The following PPFIBP1 variants were observed in gnomAD, a reference collection of about 807,000 sequenced individuals.
The protein encoded by PPFIBP1 is PPFIB scaffold protein 1, also known as liprin-beta-1.
Under a neutral mutation model 137.8 loss-of-function variants are expected in PPFIBP1, and 112 were observed. The ratio of observed to expected loss-of-function variants is 0.81; its 90% CI spans 0.70 to 0.95. The LOEUF (loss-of-function observed/expected upper bound fraction) is 0.95, where lower values mean the gene tolerates loss of function less well. PPFIBP1 is among the 40% of genes least tolerant of loss of function. The pLI, the probability that PPFIBP1 is intolerant of heterozygous loss-of-function variation, is 0.00. For missense variants in PPFIBP1, 1,083 were observed against 1,196.6 expected (o/e 0.91, Z 1.40); for synonymous variants, 378 against 417.3 (o/e 0.91, Z 1.15).
At chr12:27,586,775 CTA>C (rs1263769478) in intron 2 of PPFIBP1, among the ~76,000 whole-genome samples, 3 of 152,006 alleles carry the variant, frequency 2.0e-5, no homozygotes, top group Non-Finnish European at 4.4e-5. Context: ...TATATAGTGA[CTA>C]TGCCTGTTCT....
intron 12 of PPFIBP1, among the ~76,000 whole-genome samples, chr12:27,666,725 A>G (rs1486139593): frequency 1.3e-5 from 2 of 152,242 alleles, no homozygotes; most frequent in African/African-American, 2.4e-5. Context: ...TTTCAAGAGC[A>G]CAGCAGTGAT....
chr12:27,647,489 T>C (rs2058598891), intron 5 of PPFIBP1, among the ~76,000 whole-genome samples: 1 of 151,950 alleles, frequency 6.6e-6, no homozygotes, highest in Non-Finnish European at 1.5e-5. Flanking sequence ...CCAAAAAGTA[T>C]TGTACATTCC....
chr12:27,687,396 G>A lies in PPFIBP1; in HGVS notation c.2259G>A (p.Leu753=). The A allele has an allele frequency of 6.2e-7, 1 of 1,613,716 alleles. No individual in the cohort carries two copies. Among genetic ancestry groups the A allele is most frequent in the Non-Finnish European group, 8.5e-7 (1 of 1,179,710 alleles). ...MLHYMTVDDL[L]SLKVVSVLHH... ...GTTCTTTTTTGCAGGATGACTTACT[G>A]TCTCTGAAGGTTGTAAGTGTGCTAC... The change falls in exon 25 of 30, where the codon CTG becomes CTA. Residue 753 remains leucine (L), a synonymous_variant. Transcript: ENST00000228425.
rs746647939 is a variant in PPFIBP1 at position 27,646,092 on chromosome 12, G to A, written c.301G>A (p.Val101Met). The change falls in exon 5 of 30, where the codon GTG (valine) becomes ATG (methionine). Residue 101 changes from valine (V) to methionine (M), a missense_variant. Physicochemically the swap from Val to Met is conservative, Grantham distance 21 (BLOSUM62 1). Coordinates refer to ENST00000228425, the MANE Select transcript of PPFIBP1 (RefSeq NM_003622.4). The part of the protein sequence containing the change: ...TNGHLPGNGD[V>M]YQERLARLEN... Reference sequence around the variant, plus strand: ...TGGACACCTACCAGGGAACGGAGATGTGTATCAAGAAAGGCTGGCACGTTT... The same window carrying A: ...TGGACACCTACCAGGGAACGGAGATATGTATCAAGAAAGGCTGGCACGTTT... The A allele has an allele frequency of 3.9e-5, 63 of 1,611,608 alleles. No homozygotes were observed. Among genetic ancestry groups the A allele is most frequent in the Non-Finnish European group, 5.3e-5 (62 of 1,178,434 alleles).
In PPFIBP1 at chr12:27,682,732, G is replaced by A. The variant is rs1269974332; in HGVS notation, c.2247+29G>A. On this transcript the variant is annotated intron_variant, in intron 24 of 29. Transcript: ENST00000228425. ...AGTGACTCACTCCTGGGGTTTGGGG[G>A]AGGAAAACTTTTTTTCTCTGAAAAA... 1.9e-6 allele frequency: 3 copies of A among 1,612,918 alleles called. No homozygotes were observed. In the Admixed American group the frequency reaches 5.0e-5, roughly 27 times the overall value.
Position 27,542,229 on chromosome 12 carries a change from C to T in PPFIBP1, c.-124+17864C>T, listed in dbSNP as rs1196537089. Among the ~76,000 whole-genome samples, 4 of 152,222 alleles carry T rather than the reference C, an allele frequency of 2.6e-5. No homozygotes were observed. In the South Asian group the frequency reaches 6.2e-4, roughly 24 times the overall value. On this transcript the variant is annotated intron_variant, in intron 1 of 29. Coordinates refer to ENST00000228425, the MANE Select transcript of PPFIBP1 (RefSeq NM_003622.4). Reference sequence around the variant, plus strand: ...GCAACAACTATTTACATAGCATTTACGTTGTATTAGGTCTTAAGTAATCCA... The same window carrying T: ...GCAACAACTATTTACATAGCATTTATGTTGTATTAGGTCTTAAGTAATCCA...
intron 19 of PPFIBP1, 81 bp downstream of exon 19, chr12:27,677,177 C>T: frequency 1.6e-5 from 24 of 1,533,140 alleles, no homozygotes; most frequent in Non-Finnish European, 1.9e-5. Context: ...TCTGTGATCT[C>T]TAGAAAGCGA....
chr12:27,541,558 G>A (rs1945671984), intron 1 of PPFIBP1, among the ~76,000 whole-genome samples: 2 of 152,168 alleles, frequency 1.3e-5, no homozygotes, highest in South Asian at 4.1e-4. Context: ...TTTGCTCTTT[G>A]AGGCTGCAGG....
chr12:27,672,853 A>G, intron 15 of PPFIBP1, among the ~76,000 whole-genome samples: 1 of 152,196 alleles, frequency 6.6e-6, no homozygotes, highest in Non-Finnish European at 1.5e-5. Flanking sequence ...GAAAGCTGAG[A>G]TGGGTTTTTT....
intron 1 of PPFIBP1, chr12:27,548,607 AG>A (rs1432474246): frequency 2.0e-5 from 3 of 152,216 alleles, no homozygotes; most frequent in African/African-American, 7.2e-5. Context: ...CTGCAGATTA[AG>A]TCATATCTGT....
intron 1 of PPFIBP1, among the ~76,000 whole-genome samples, chr12:27,568,784 A>G (rs565271378): frequency 9.7e-4 from 148 of 152,374 alleles, no homozygotes; most frequent in African/African-American, 3.2e-3. Context: ...GATGAAGTTC[A>G]ACCATGAATG....
chr12:27,664,446 G>A lies in PPFIBP1; in HGVS notation c.991G>A (p.Gly331Ser). 1 of 1,604,940 alleles carries A rather than the reference G, an allele frequency of 6.2e-7. No individual in the cohort carries two copies. Among genetic ancestry groups the A allele is most frequent in the African/African-American group, 1.4e-5 (1 of 73,940 alleles). Reference protein sequence around the residue: ...DTVVLAQGKKGKDGEYEELLN... With the variant: ...DTVVLAQGKKSKDGEYEELLN... ...GGTGGTACTGGCCCAAGGTAAAAAA[G>A]GTAGAGTGTAGCTCTAAAAGTTTTT... Residue 331 changes from glycine (G) to serine (S), a missense_variant and splice_region_variant, in exon 12 of 30, where the codon GGC (glycine) becomes AGC (serine). Transcript: ENST00000228425.
chr12:27,532,674 G>T (rs1290841208), intron 1 of PPFIBP1, among the ~76,000 whole-genome samples: 1 of 152,060 alleles, frequency 6.6e-6, no homozygotes. Context: ...TTAAAGGGTG[G>T]GGAGGAGATT....
intron 1 of PPFIBP1, among the ~76,000 whole-genome samples, chr12:27,554,747 T>C (rs1947105625): frequency 6.6e-6 from 1 of 152,078 alleles, no homozygotes; most frequent in Non-Finnish European, 1.5e-5. Flanking sequence ...TTTGTGCACG[T>C]TGTCGGAGAT....
At chr12:27,532,957 G>A (rs889843142) in intron 1 of PPFIBP1, among the ~76,000 whole-genome samples, 6 of 152,140 alleles carry the variant, frequency 3.9e-5, no homozygotes, top group African/African-American at 1.4e-4. Context: ...TGGGCAAGGG[G>A]AGGGAGAAGG....
chr12:27,526,491 G>C (rs901730208), intron 1 of PPFIBP1, among the ~76,000 whole-genome samples: 66 of 152,116 alleles, frequency 4.3e-4, no homozygotes, highest in African/African-American at 1.5e-3. Context: ...ATCAGTTTTT[G>C]GTTAAATTCC....
chr12:27,692,925 C>G lies in PPFIBP1; in HGVS notation c.*43C>G, dbSNP rs2061641454. On this transcript the variant is annotated 3_prime_UTR_variant, in exon 30 of 30. Coordinates refer to ENST00000228425, the MANE Select transcript of PPFIBP1 (RefSeq NM_003622.4). Reference sequence around the variant, plus strand: ...ACATTAGGAGTGCTTAGTCTTTTTTCTACTTGCTTTTCCAAACACTCACAG... The same window carrying G: ...ACATTAGGAGTGCTTAGTCTTTTTTGTACTTGCTTTTCCAAACACTCACAG... 9 of 1,609,754 alleles carry G rather than the reference C, an allele frequency of 5.6e-6. No individual in the cohort carries two copies. Among genetic ancestry groups the G allele is most frequent in the Non-Finnish European group, 6.8e-6 (8 of 1,178,190 alleles).
chr12:27,553,177 G>C (rs1396335847), intron 1 of PPFIBP1, among the ~76,000 whole-genome samples: 1 of 152,102 alleles, frequency 6.6e-6, no homozygotes, highest in South Asian at 2.1e-4. Context: ...GCCCAGGCTG[G>C]GGATAGAGGG....
intron 1 of PPFIBP1, among the ~76,000 whole-genome samples, chr12:27,559,223 G>A (rs151018918): frequency 3.4e-3 from 513 of 151,688 alleles, no homozygotes; most frequent in Non-Finnish European, 5.0e-3. Flanking sequence ...CCAGGCTGGA[G>A]TGTAGTGCAG....
Sources: gnomAD v4.1 joint callset for allele counts (sites outside exome capture counted in the v4.1 genomes callset) on GRCh38, gnomAD v4.1.1 for gene constraint, MANE v1.5 for transcripts, NCBI Gene and HGNC (gene_info 2026-07-23, HGNC 2026-07-21) for gene names.